The following PRDM16 variants were observed in gnomAD, a reference collection of about 807,000 sequenced individuals.
PRDM16 encodes PR/SET domain 16, also known as histone-lysine N-methyltransferase PRDM16.
In PRDM16, 23 loss-of-function variants were observed where a neutral mutation model predicts 110.6. The observed-to-expected ratio is 0.21, with a 90% confidence interval of 0.15 to 0.29. The LOEUF (loss-of-function observed/expected upper bound fraction) is 0.29. Among genes scored for constraint, PRDM16 ranks in the 10% least tolerant of loss-of-function variants. The pLI, the probability that PRDM16 is intolerant of heterozygous loss-of-function variation, is 1.00. For missense variants in PRDM16, 1,615 were observed against 1,794.3 expected (o/e 0.90, Z 1.81); for synonymous variants, 799 against 781.8 (o/e 1.02, Z -0.37).
At chr1:3,329,415 A>C (rs952624688) in intron 3 of PRDM16, among the ~76,000 whole-genome samples, 3 of 150,102 alleles carry the variant, frequency 2.0e-5, no homozygotes, top group Admixed American at 1.3e-4. Context: ...GCAGGAATGG[A>C]ATTAATGGGA....
intron 1 of PRDM16, among the ~76,000 whole-genome samples, chr1:3,079,050 C>T (rs982444858): frequency 1.4e-4 from 21 of 152,244 alleles, no homozygotes; most frequent in African/African-American, 3.4e-4. Flanking sequence ...CGGTCCTCCC[C>T]GGGCAAACAG....
At position 3,390,808 on chromosome 1, in the gene PRDM16, C is replaced by T. The variant is rs939029232; in HGVS notation, c.573+5522C>T. Among the ~76,000 whole-genome samples the T allele has an allele frequency of 6.6e-6, 1 of 151,380 alleles. No individual in the cohort carries two copies. The highest frequency in any genetic ancestry group is 6.6e-5 in the Admixed American group (1 of 15,186). On this transcript the variant is annotated intron_variant, in intron 4 of 16. Coordinates refer to ENST00000270722, the MANE Select transcript of PRDM16 (RefSeq NM_022114.4). This position sits in a 1 kb window ranked among gnomAD's most constrained non-coding sequence, Gnocchi z 5.0. ...CCCCGACCCCAGACATGTTCATATT[C>T]CCTTTGCTTTTATCTCTCACAGTGT...
rs373228175 is a variant in PRDM16 at position 3,403,005 on chromosome 1, C to T, written c.884+7C>T. On this transcript the variant is annotated splice_region_variant and intron_variant, in intron 6 of 16. Coordinates refer to ENST00000270722, the MANE Select transcript of PRDM16 (RefSeq NM_022114.4). ...TGTTCCCCAACAAGTACAGGTGCCACGCCCTCCTCTGAGTCTTCCTCCCCT... is the reference window on the plus strand; with the variant it reads ...TGTTCCCCAACAAGTACAGGTGCCATGCCCTCCTCTGAGTCTTCCTCCCCT... The T allele has an allele frequency of 1.5e-4, 241 of 1,589,064 alleles. No individual in the cohort carries two copies. Among genetic ancestry groups the T allele is most frequent in the Middle Eastern group, 3.9e-4 (2 of 5,064 alleles).
At chr1:3,127,511 T>C (rs1643234803) in intron 1 of PRDM16, among the ~76,000 whole-genome samples, 1 of 152,208 alleles carries the variant, frequency 6.6e-6, no homozygotes, top group Non-Finnish European at 1.5e-5. Flanking sequence ...ACAGCCTAGC[T>C]TCCCCGGGCA....
rs1474014353 is a variant in PRDM16, at chr1:3,412,777, C to T, written c.2580C>T (p.Pro860=). 4 of 1,481,960 alleles carry T rather than the reference C, an allele frequency of 2.7e-6. No homozygotes were observed. The highest frequency in any genetic ancestry group is 4.8e-5 in the Admixed American group (2 of 41,506). 91.8% of individuals were successfully genotyped at this position (1,481,960 alleles called of 1,614,324 possible). A position where few individuals can be genotyped will look rare whatever the true frequency, so the allele number is the denominator to read the frequency against. Residue 860 remains proline, a synonymous_variant, in exon 9 of 17, where the codon CCC becomes CCT. Transcript: ENST00000270722. The part of the protein sequence containing the change: ...QPPLHYAKPS[P]FFMDPIYSRV... ...CGCTCCACTACGCCAAGCCCTCGCC[C>T]TTCTTCATGGACCCCATCTACAGGT...
At chr1:3,121,847 C>A (rs888347283) in intron 1 of PRDM16, among the ~76,000 whole-genome samples, 4 of 152,104 alleles carry the variant, frequency 2.6e-5, no homozygotes, top group Non-Finnish European at 5.9e-5. Context: ...GTGGCCCTGG[C>A]GGGAAGTGGA....
intron 2 of PRDM16, among the ~76,000 whole-genome samples, chr1:3,216,012 C>T (rs1438450377): frequency 1.3e-5 from 2 of 152,190 alleles, no homozygotes; most frequent in African/African-American, 4.8e-5. Flanking sequence ...CGAATAAATA[C>T]TCGGCAATGA....
intron 2 of PRDM16, among the ~76,000 whole-genome samples, chr1:3,212,789 C>T (rs764084266): frequency 6.6e-5 from 10 of 152,126 alleles, no homozygotes; most frequent in Non-Finnish European, 1.3e-4. Flanking sequence ...GCTACCTCGG[C>T]GTGGCTCTGC....
chr1:3,140,037 G>A (rs186507685), intron 1 of PRDM16, among the ~76,000 whole-genome samples: 49 of 152,354 alleles, frequency 3.2e-4, no homozygotes, highest in African/African-American at 1.1e-3. Context: ...AGAATGGACC[G>A]CGGGCTCTGG....
Position 3,425,629 on chromosome 1 carries a change from G to T in PRDM16, c.2988G>T (p.Arg996=), listed in dbSNP as rs1349091591. The change falls in exon 13 of 17, where the codon CGG becomes CGT. Residue 996 remains arginine, a synonymous_variant. Transcript: ENST00000270722. This position sits in a 1 kb window ranked among gnomAD's most constrained non-coding sequence, Gnocchi z 6.9. ...TCAGCATCTCTTCGAACCTCCAGCG[G>T]CACGTCCGGAACATCCACAACAAGG... ...RSFSISSNLQ[R]HVRNIHNKEK... is the part of the protein sequence containing the mutation. 5 of 1,613,920 alleles carry T rather than the reference G, an allele frequency of 3.1e-6. No homozygotes were observed. Among genetic ancestry groups the T allele is most frequent in the African/African-American group, 1.3e-5 (1 of 75,038 alleles).
At position 3,432,139 on chromosome 1, in the gene PRDM16, A is replaced by G. The variant is rs747895035; in HGVS notation, c.3695A>G (p.Gln1232Arg). The G allele has an allele frequency of 6.2e-7, 1 of 1,612,672 alleles. No individual in the cohort carries two copies. The highest frequency in any genetic ancestry group is 1.1e-5 in the South Asian group (1 of 91,030). Residue 1232 changes from glutamine to arginine, a missense_variant and splice_region_variant, in exon 16 of 17, where the codon CAG becomes CGG. Coordinates refer to ENST00000270722, the MANE Select transcript of PRDM16 (RefSeq NM_022114.4). ...ACACTGTGCAGGCAGGCTAAGAACCAGGTAGGTACCCGCCAGAGCCCCTCC... is the reference window on the plus strand; with the variant it reads ...ACACTGTGCAGGCAGGCTAAGAACCGGGTAGGTACCCGCCAGAGCCCCTCC... ...KHTLCRQAKNQAYAMMLSLSE... is the reference protein window; with the variant it reads ...KHTLCRQAKNRAYAMMLSLSE...
intron 8 of PRDM16, among the ~76,000 whole-genome samples, chr1:3,410,587 C>T (rs901762276): frequency 3.9e-5 from 6 of 152,220 alleles, no homozygotes; most frequent in African/African-American, 1.4e-4. Flanking sequence ...CAGGAACTGT[C>T]TGTGTCAACC....
intron 3 of PRDM16, among the ~76,000 whole-genome samples, chr1:3,360,493 C>T (rs1306490413): frequency 6.6e-6 from 1 of 152,080 alleles, no homozygotes; most frequent in Non-Finnish European, 1.5e-5. Context: ...GAGCCCCCAG[C>T]AGAGCCCGGT....
intron 4 of PRDM16, among the ~76,000 whole-genome samples, chr1:3,392,691 G>C (rs1437517466): frequency 4.6e-5 from 7 of 152,362 alleles, no homozygotes; most frequent in African/African-American, 9.6e-5. Context: ...CATTGTAAAT[G>C]TAAATGATTT....
intron 1 of PRDM16, among the ~76,000 whole-genome samples, chr1:3,122,984 G>A (rs1643127698): frequency 6.6e-6 from 1 of 152,182 alleles, no homozygotes; most frequent in Non-Finnish European, 1.5e-5. Flanking sequence ...GGTGCTCAGG[G>A]CAGCGGTGTG....
At position 3,186,148 on chromosome 1, in the gene PRDM16, A is replaced by G. The variant is rs772972557; in HGVS notation, c.61A>G (p.Met21Val). The G allele has an allele frequency of 2.5e-6, 4 of 1,612,576 alleles. No individual in the cohort carries two copies. Among genetic ancestry groups the G allele is most frequent in the African/African-American group, 2.7e-5 (2 of 74,890 alleles). The change falls in exon 2 of 17, where the codon ATG (methionine) becomes GTG (valine). Residue 21 changes from methionine to valine, a missense_variant. Transcript: ENST00000270722. The stretch of plus-strand genomic sequence containing the variant: ...AGGTGACGGTGACGTTGTAAATAAT[A>G]TGTATGAGCCCAACCGGGACCTGCT... ...AKSDGDVVNN[M>V]YEPNRDLLAS...
At position 3,353,100 on chromosome 1, in the gene PRDM16, C is replaced by T. The variant is rs531078175; in HGVS notation, c.439-32052C>T. Among the ~76,000 whole-genome samples the T allele has an allele frequency of 2.0e-5, 3 of 152,310 alleles. No homozygotes were observed. The South Asian group carries it at 6.2e-4, about 32-fold the overall frequency. ...GGAAAGGGAGGCTGCAGCCGCACAC[C>T]CGAAGAGCTCGAAAGCTGGCCCCCA... On this transcript the variant is annotated intron_variant, in intron 3 of 16. Coordinates refer to ENST00000270722, the MANE Select transcript of PRDM16 (RefSeq NM_022114.4). The surrounding 1 kb of genome is among the most constrained non-coding windows in gnomAD (Gnocchi z 5.4).
At chr1:3,181,053 T>TGC (rs1644154248) in intron 1 of PRDM16, among the ~76,000 whole-genome samples, 1 of 131,796 alleles carries the variant, frequency 7.6e-6, no homozygotes, top group Admixed American at 7.6e-5. Context: ...CACGCAGTCT[T>TGC]ACACGCGGTC....
chr1:3,228,696 C>T (rs183828450), intron 2 of PRDM16, among the ~76,000 whole-genome samples: 40 of 152,322 alleles, frequency 2.6e-4, no homozygotes, highest in African/African-American at 8.7e-4. Context: ...CTCGCCATGG[C>T]CCATCCCTCC....
Sources: gnomAD v4.1 joint callset for allele counts (sites outside exome capture counted in the v4.1 genomes callset) on GRCh38, gnomAD v4.1.1 for gene constraint, Gnocchi (gnomAD v3.1) non-coding constraint, MANE v1.5 for transcripts, NCBI Gene and HGNC (gene_info 2026-07-23, HGNC 2026-07-21) for gene names.